Variants in STYX observed in about 807,000 individuals in gnomAD.
The protein encoded by STYX is serine/threonine/tyrosine interacting protein.
Under a neutral mutation model 42.7 loss-of-function variants are expected in STYX, and 20 were observed. That is an observed-to-expected ratio of 0.47 (90% CI 0.33 to 0.68). STYX has a LOEUF of 0.68. STYX is among the 30% of genes least tolerant of loss of function. The pLI, the probability that STYX is intolerant of heterozygous loss-of-function variation, is 0.02. For missense variants in STYX, 226 were observed against 268.5 expected, an observed-to-expected ratio of 0.84 and a Z score of 1.11; for synonymous variants, 78 against 81.9, an observed-to-expected ratio of 0.95 and a Z score of 0.26.
At chr14:52,737,250 A>G (rs1207321783) in intron 1 of STYX, among the ~76,000 whole-genome samples, 7 of 152,336 alleles carry the variant, frequency 4.6e-5, no homozygotes, top group South Asian at 2.1e-4. Flanking sequence ...GTTACAGTCT[A>G]TATCCTTCAT....
At chr14:52,756,716 T>C (rs1881883697) in intron 5 of STYX, 105 bp downstream of exon 5, 4 of 506,394 alleles carry the variant, frequency 7.9e-6, no homozygotes, top group Non-Finnish European at 1.3e-5. Flanking sequence ...GACAAGAGTT[T>C]TACTCTTGTT....
At chr14:52,731,953 T>C (rs1880723109) in intron 1 of STYX, among the ~76,000 whole-genome samples, 1 of 150,908 alleles carries the variant, frequency 6.6e-6, no homozygotes, top group Admixed American at 6.6e-5. Flanking sequence ...ATTTTTCTTT[T>C]TTTTTTTTTT....
chr14:52,732,996 C>G (rs559988362), intron 1 of STYX, among the ~76,000 whole-genome samples: 5 of 152,258 alleles, frequency 3.3e-5, no homozygotes, highest in African/African-American at 9.6e-5. Flanking sequence ...CAAAATGATT[C>G]AGTAATTTCA....
At chr14:52,762,733 GT>G (rs1420829153) in intron 9 of STYX, among the ~76,000 whole-genome samples, 1 of 151,944 alleles carries the variant, frequency 6.6e-6, no homozygotes, top group Non-Finnish European at 1.5e-5. Flanking sequence ...TATGGCACCT[GT>G]GAAATATCTG....
At chr14:52,767,330 A>G (rs1882343840) in intron 9 of STYX, among the ~76,000 whole-genome samples, 1 of 152,208 alleles carries the variant, frequency 6.6e-6, no homozygotes, top group South Asian at 2.1e-4. Context: ...TTGGACTTCA[A>G]CATATGAATT....
intron 3 of STYX, 105 bp from the exon 4 acceptor site, chr14:52,750,578 T>C (rs1881571258): frequency 1.4e-6 from 1 of 732,204 alleles, no homozygotes; most frequent in Non-Finnish European, 2.2e-6. Flanking sequence ...AGCAGAGATG[T>C]GGGTTCTGTG....
chr14:52,741,832 T>C (rs961539006), intron 1 of STYX, among the ~76,000 whole-genome samples: 2 of 152,190 alleles, frequency 1.3e-5, no homozygotes, highest in Non-Finnish European at 2.9e-5. Flanking sequence ...ATTTTGATAC[T>C]CTAATTTCTT....
chr14:52,759,558 T>C, intron 8 of STYX, 124 bp from the exon 9 acceptor site: 1 of 691,908 alleles, frequency 1.4e-6, no homozygotes, highest in African/African-American at 1.8e-5. Context: ...AAAGGAATTG[T>C]GATATTTAAT....
At position 52,765,854 on chromosome 14, in the gene STYX, G is replaced by A. The variant is rs542726035; in HGVS notation, c.505-2986G>A. On this transcript the variant is annotated intron_variant, in intron 9 of 10. Coordinates refer to ENST00000354586, the MANE Select transcript of STYX (RefSeq NM_145251.4). ...TCTGAGAGGAGGTGGTGCTCAGATG[G>A]TAATGCTCCCTGGAGTGCCACTCAC... is the stretch of plus-strand genomic sequence containing the variant. Among the ~76,000 whole-genome samples the A allele has an allele frequency of 5.9e-5, 9 of 152,248 alleles. No individual in the cohort carries two copies. In the South Asian group the frequency reaches 1.5e-3, roughly 25 times the overall value.
chr14:52,741,664 G>A (rs1392410981), intron 1 of STYX, among the ~76,000 whole-genome samples: 3 of 152,076 alleles, frequency 2.0e-5, no homozygotes, highest in Admixed American at 6.6e-5. Flanking sequence ...GTAAACTTCT[G>A]AGCTCAAGTG....
At chr14:52,750,258 G>C (rs1041116079) in intron 3 of STYX, among the ~76,000 whole-genome samples, 4 of 152,118 alleles carry the variant, frequency 2.6e-5, no homozygotes, top group East Asian at 1.9e-4. Flanking sequence ...TTGGGTTCCA[G>C]TACTGCTGTT....
At chr14:52,752,968 C>T (rs1881689759) in intron 4 of STYX, among the ~76,000 whole-genome samples, 1 of 148,424 alleles carries the variant, frequency 6.7e-6, no homozygotes, top group East Asian at 2.0e-4. Context: ...GCAACCTCTG[C>T]CTCCTGGGTT....
chr14:52,738,160 G>A (rs1288770879), intron 1 of STYX, among the ~76,000 whole-genome samples: 2 of 152,196 alleles, frequency 1.3e-5, no homozygotes, highest in Admixed American at 6.5e-5. Flanking sequence ...AGCATCTGAT[G>A]ATAACACCAG....
chr14:52,732,971 A>G (rs764859273), intron 1 of STYX, among the ~76,000 whole-genome samples: 1 of 152,136 alleles, frequency 6.6e-6, no homozygotes, highest in Non-Finnish European at 1.5e-5. Context: ...GCGAAGGAGT[A>G]TGCTTTCATA....
intron 1 of STYX, among the ~76,000 whole-genome samples, chr14:52,732,097 T>TG (rs1880736244): frequency 8.5e-6 from 1 of 118,188 alleles, no homozygotes; most frequent in Non-Finnish European, 1.7e-5. Flanking sequence ...CATGGTTTTT[T>TG]TTTTTTTTTT....
intron 2 of STYX, 141 bp from the exon 3 acceptor site, chr14:52,746,285 A>AT: frequency 1.8e-6 from 1 of 570,042 alleles, no homozygotes; most frequent in Non-Finnish European, 2.9e-6. Context: ...AAAAAAAAAA[A>AT]GATTAAAAAA....
chr14:52,747,086 C>G (rs1441716988), intron 3 of STYX, among the ~76,000 whole-genome samples: 1 of 152,134 alleles, frequency 6.6e-6, no homozygotes, highest in East Asian at 1.9e-4. Flanking sequence ...CAAACAAATC[C>G]AAACTCTGAA....
rs1881401641 is a variant in STYX at position 52,746,466 on chromosome 14, C to T, written c.131C>T (p.Ala44Val). The T allele has an allele frequency of 6.4e-7, 1 of 1,551,648 alleles. No individual in the cohort carries two copies. ...PGLFLGPYSS[A>V]MKSKLPVLQK... ...TTGTTCTTAGGCCCATATTCATCTGCTATGAAAAGCAAGGTATGAACTTTG... is the reference window on the plus strand; with the variant it reads ...TTGTTCTTAGGCCCATATTCATCTGTTATGAAAAGCAAGGTATGAACTTTG... Residue 44 changes from alanine to valine, a missense_variant, in exon 3 of 11, where the codon GCT (alanine) becomes GTT (valine). By Grantham distance (64) the Ala-to-Val change is moderately conservative. Coordinates refer to ENST00000354586, the MANE Select transcript of STYX (RefSeq NM_145251.4).
At chr14:52,768,277 A>G (rs1293274678) in intron 9 of STYX, among the ~76,000 whole-genome samples, 1 of 152,154 alleles carries the variant, frequency 6.6e-6, no homozygotes, top group Non-Finnish European at 1.5e-5. Flanking sequence ...TGGAAACAGA[A>G]TGTTTACCAG....
Sources: gnomAD v4.1 joint callset for allele counts (sites outside exome capture counted in the v4.1 genomes callset) on GRCh38, gnomAD v4.1.1 for gene constraint, MANE v1.5 for transcripts, NCBI Gene and HGNC (gene_info 2026-07-23, HGNC 2026-07-21) for gene names.